TMEM131L: variants seen among roughly 807,000 people sequenced by gnomAD.
The protein encoded by TMEM131L is transmembrane protein 131-like.
In TMEM131L, 54 loss-of-function variants were observed where a neutral mutation model predicts 192.2. The ratio of observed to expected loss-of-function variants is 0.28; its 90% CI spans 0.23 to 0.35. The LOEUF is 0.35. Ranked by LOEUF, TMEM131L falls within the 10% of genes least tolerant of loss-of-function variation. TMEM131L has a pLI of 1.00. For synonymous variants in TMEM131L, 701 were observed against 704.9 expected, an observed-to-expected ratio of 0.99 and a Z score of 0.09; for missense variants, 1,888 against 1,972.9, an observed-to-expected ratio of 0.96 and a Z score of 0.82.
chr4:153,484,986 G>A (rs1732218010), intron 3 of TMEM131L, among the ~76,000 whole-genome samples: 3 of 149,934 alleles, frequency 2.0e-5, no homozygotes, highest in African/African-American at 7.3e-5. Flanking sequence ...GGGCGTGGTG[G>A]CGGGCGCCTG....
At chr4:153,545,093 T>A (rs1274216352) in intron 3 of TMEM131L, among the ~76,000 whole-genome samples, 1 of 152,174 alleles carries the variant, frequency 6.6e-6, no homozygotes, top group Non-Finnish European at 1.5e-5. Flanking sequence ...GCAGACAGAT[T>A]TAATTTTCCT....
At chr4:153,470,460 C>G (rs577848118) in intron 2 of TMEM131L, among the ~76,000 whole-genome samples, 30 of 150,434 alleles carry the variant, frequency 2.0e-4, no homozygotes, top group African/African-American at 6.8e-4. Context: ...GTTATATACT[C>G]TCATGTCATA....
chr4:153,483,553 AG>A (rs554587577), intron 3 of TMEM131L, among the ~76,000 whole-genome samples: 90 of 152,216 alleles, frequency 5.9e-4, no homozygotes, highest in African/African-American at 2.1e-3. Flanking sequence ...ACAAAAAAAA[AG>A]TGGGGCGTGG....
intron 17 of TMEM131L, among the ~76,000 whole-genome samples, chr4:153,591,609 C>T (rs139070107): frequency 1.6e-3 from 238 of 152,220 alleles, no homozygotes; most frequent in African/African-American, 5.4e-3. Context: ...GTGCCTCTCT[C>T]GTCCAGCTCC....
chr4:153,573,281 T>G (rs1010232772), intron 7 of TMEM131L, among the ~76,000 whole-genome samples: 1 of 152,268 alleles, frequency 6.6e-6, no homozygotes, highest in African/African-American at 2.4e-5. Flanking sequence ...GATGCCTGCT[T>G]AAGTATAAGC....
chr4:153,596,862 T>A (rs1731477043), intron 20 of TMEM131L, among the ~76,000 whole-genome samples: 1 of 152,232 alleles, frequency 6.6e-6, no homozygotes, highest in South Asian at 2.1e-4. Flanking sequence ...TTTTTATTCC[T>A]TTTCTTCCTT....
chr4:153,503,726 A>C (rs1358438231), intron 3 of TMEM131L, among the ~76,000 whole-genome samples: 3 of 152,152 alleles, frequency 2.0e-5, no homozygotes, highest in Admixed American at 6.5e-5. Flanking sequence ...GAATGAGGCT[A>C]ATGTCTGTCT....
chr4:153,549,924 G>C, intron 3 of TMEM131L, 149 bp from the exon 4 acceptor site: 1 of 414,258 alleles, frequency 2.4e-6, no homozygotes, highest in Non-Finnish European at 4.4e-6. Flanking sequence ...AATTATACCA[G>C]ACTTCTAATA....
At chr4:153,499,831 T>C (rs935261112) in intron 3 of TMEM131L, among the ~76,000 whole-genome samples, 1 of 152,238 alleles carries the variant, frequency 6.6e-6, no homozygotes, top group Non-Finnish European at 1.5e-5. Context: ...GCCTCTCTCA[T>C]TGTAAAGATG....
intron 29 of TMEM131L, among the ~76,000 whole-genome samples, chr4:153,625,256 C>A (rs1733752316): frequency 6.6e-6 from 1 of 151,976 alleles, no homozygotes; most frequent in Admixed American, 6.5e-5. Flanking sequence ...ACTAAAAATT[C>A]AAAAACCAGC....
chr4:153,488,121 G>C (rs2149853340), intron 3 of TMEM131L, among the ~76,000 whole-genome samples: 1 of 151,080 alleles, frequency 6.6e-6, no homozygotes, highest in East Asian at 2.0e-4. Flanking sequence ...GTGTGTGAGA[G>C]AGAGACCGAG....
intron 3 of TMEM131L, among the ~76,000 whole-genome samples, chr4:153,509,301 G>A (rs1662674500): frequency 6.6e-6 from 1 of 151,828 alleles, no homozygotes; most frequent in South Asian, 2.1e-4. Flanking sequence ...GGAGGTGGAG[G>A]TTGCAGTGAG....
intron 9 of TMEM131L, among the ~76,000 whole-genome samples, chr4:153,582,414 T>C (rs1730400551): frequency 6.8e-6 from 1 of 148,034 alleles, no homozygotes; most frequent in African/African-American, 2.5e-5. Context: ...CTGGCTAATT[T>C]AAACCGTTTT....
intron 7 of TMEM131L, among the ~76,000 whole-genome samples, chr4:153,566,532 T>A (rs1183477527): frequency 6.6e-6 from 1 of 151,690 alleles, no homozygotes; most frequent in Admixed American, 6.6e-5. Flanking sequence ...TGTGTGTGTG[T>A]GTGTGTGTGT....
At chr4:153,512,415 T>C (rs1224727667) in intron 3 of TMEM131L, among the ~76,000 whole-genome samples, 3 of 152,222 alleles carry the variant, frequency 2.0e-5, no homozygotes, top group Non-Finnish European at 4.4e-5. Context: ...CATTTATTTA[T>C]TTTTTCCCCT....
intron 14 of TMEM131L, among the ~76,000 whole-genome samples, chr4:153,586,779 C>G (rs1056760495): frequency 4.6e-5 from 7 of 152,104 alleles, no homozygotes; most frequent in African/African-American, 9.7e-5. Flanking sequence ...CTAAGTGACT[C>G]TTAGTTGCTC....
intron 3 of TMEM131L, among the ~76,000 whole-genome samples, chr4:153,496,182 G>A (rs1733156955): frequency 6.6e-6 from 1 of 152,236 alleles, no homozygotes; most frequent in Non-Finnish European, 1.5e-5. Context: ...TCTTTAGAAA[G>A]GTATCAAATT....
chr4:153,568,105 G>GTTTC (rs1729344280), intron 7 of TMEM131L, among the ~76,000 whole-genome samples: 1 of 152,048 alleles, frequency 6.6e-6, no homozygotes, highest in Non-Finnish European at 1.5e-5. Flanking sequence ...TTGTTTGTTT[G>GTTTC]TTTTAAAAGG....
At chr4:153,488,086 G>A (rs1351476828) in intron 3 of TMEM131L, among the ~76,000 whole-genome samples, 1 of 150,402 alleles carries the variant, frequency 6.6e-6, no homozygotes, top group African/African-American at 2.5e-5. Flanking sequence ...TGGTGAGCCT[G>A]TGGCTGAGTT....
Sources: gnomAD v4.1 joint callset for allele counts (sites outside exome capture counted in the v4.1 genomes callset) on GRCh38, gnomAD v4.1.1 for gene constraint, MANE v1.5 for transcripts, NCBI Gene and HGNC (gene_info 2026-07-23, HGNC 2026-07-21) for gene names.